Variants in GTF2H3 observed in about 807,000 individuals in gnomAD.
The protein encoded by GTF2H3 is TFIIH basal transcription factor complex p34 subunit.
In GTF2H3, 42 loss-of-function variants were observed where a neutral mutation model predicts 51.1. The observed-to-expected ratio is 0.82, with a 90% confidence interval of 0.64 to 1.06. The LOEUF (loss-of-function observed/expected upper bound fraction) is 1.06, where lower values mean the gene tolerates loss of function less well. GTF2H3 is among the 50% of genes least tolerant of loss of function. GTF2H3 has a pLI of 0.00. For missense variants in GTF2H3, 326 were observed against 366.1 expected, an observed-to-expected ratio of 0.89 and a Z score of 0.89; for synonymous variants, 123 against 123.8, an observed-to-expected ratio of 0.99 and a Z score of 0.04.
intron 7 of GTF2H3, among the ~76,000 whole-genome samples, chr12:123,652,992 C>T (rs1487582987): frequency 1.3e-5 from 2 of 151,746 alleles, no homozygotes; most frequent in African/African-American, 2.4e-5. Flanking sequence ...GCAGGAGAAT[C>T]GTTTGAACCT....
At chr12:123,647,682 T>A (rs1264463418) in intron 3 of GTF2H3, among the ~76,000 whole-genome samples, 1 of 152,196 alleles carries the variant, frequency 6.6e-6, no homozygotes, top group Non-Finnish European at 1.5e-5. Flanking sequence ...CCTCTGTATT[T>A]CCCCACACTT....
At chr12:123,643,028 T>A (rs1344580029) in intron 2 of GTF2H3, among the ~76,000 whole-genome samples, 1 of 152,104 alleles carries the variant, frequency 6.6e-6, no homozygotes, top group Admixed American at 6.6e-5. Flanking sequence ...CACGTCACCA[T>A]GCCCAGCTAA....
chr12:123,651,596 G>C (rs1237000893), intron 5 of GTF2H3, among the ~76,000 whole-genome samples: 1 of 151,880 alleles, frequency 6.6e-6, no homozygotes, highest in Non-Finnish European at 1.5e-5. Context: ...GAGGCAGGCG[G>C]ATCATGAGGT....
At position 123,661,811 on chromosome 12, in the gene GTF2H3, C is replaced by A; in HGVS notation, c.*1576C>A. 6.6e-6 allele frequency: 1 copy of A among 152,532 alleles called. No homozygotes were observed. The highest frequency in any genetic ancestry group is 2.0e-4 in the East Asian group (1 of 5,120). 9.4% of individuals were successfully genotyped at this position (152,532 alleles called of 1,614,324 possible). ...CCAGGCTGGGGTGCAGTGGTGCAAG[C>A]TCGGCTCTCTGCAAGCTCTGTCTCC... On this transcript the variant is annotated 3_prime_UTR_variant, in exon 13 of 13. Transcript: ENST00000543341.
rs1431597855 is a variant in GTF2H3, at chr12:123,660,172, C to A, written c.864C>A (p.Ala288=). 6.2e-7 allele frequency: 1 copy of A among 1,611,532 alleles called. No homozygotes were observed. The highest frequency in any genetic ancestry group is 8.5e-7 in the Non-Finnish European group (1 of 1,179,076). Residue 288 remains alanine, a synonymous_variant, in exon 13 of 13, where the codon GCC becomes GCA. Transcript: ENST00000543341. ...TTCCTCTCTGTAATTTCAGGACAGC[C>A]TTTAAAATTTCTCTGCCTCCAGTGC... ...FSPICTTCET[A]FKISLPPVLK... is the part of the protein sequence containing the mutation.
At chr12:123,658,490 C>T (rs1253549408) in intron 9 of GTF2H3, among the ~76,000 whole-genome samples, 6 of 152,098 alleles carry the variant, frequency 3.9e-5, no homozygotes, top group South Asian at 4.1e-4. Context: ...CCACCGCGCC[C>T]GGCCTAATTT....
intron 2 of GTF2H3, chr12:123,640,085 C>T (rs1050144620): frequency 4.9e-6 from 2 of 412,138 alleles, no homozygotes; most frequent in African/African-American, 4.1e-5. Context: ...GTCTCGAACT[C>T]CTGGCCTCAT....
intron 1 of GTF2H3, among the ~76,000 whole-genome samples, chr12:123,638,629 T>C (rs1955321573): frequency 6.6e-6 from 1 of 151,546 alleles, no homozygotes; most frequent in African/African-American, 2.4e-5. Context: ...TAGATATTTA[T>C]TGAGCAGCTG....
At chr12:123,637,379 A>C (rs1352798750) in intron 1 of GTF2H3, among the ~76,000 whole-genome samples, 1 of 152,184 alleles carries the variant, frequency 6.6e-6, no homozygotes, top group Non-Finnish European at 1.5e-5. Context: ...TCTTAAAAAA[A>C]ACCCAAAAAA....
chr12:123,659,616 TG>T (rs1432651601), intron 10 of GTF2H3, 32 bp downstream of exon 10: 1 of 1,600,148 alleles, frequency 6.2e-7, no homozygotes, highest in South Asian at 1.1e-5. Context: ...CCCTGATGCC[TG>T]GAGGGAAGGA....
At chr12:123,635,664 C>T (rs1394857750) in intron 1 of GTF2H3, among the ~76,000 whole-genome samples, 2 of 151,962 alleles carry the variant, frequency 1.3e-5, no homozygotes, top group Admixed American at 1.3e-4. Context: ...CTTCCTGCCT[C>T]GACCTCCCAA....
chr12:123,657,190 G>C (rs1274370815), intron 9 of GTF2H3, among the ~76,000 whole-genome samples: 1 of 150,652 alleles, frequency 6.6e-6, no homozygotes, highest in African/African-American at 2.4e-5. Flanking sequence ...TTTTTTAACA[G>C]TAAACACTGC....
chr12:123,648,222 T>C (rs1593804001), intron 4 of GTF2H3, 96 bp downstream of exon 4: 3 of 757,166 alleles, frequency 4.0e-6, no homozygotes, highest in Non-Finnish European at 6.4e-6. Context: ...TTATGTTGTA[T>C]GCCTGCACGT....
intron 6 of GTF2H3, 63 bp from the exon 7 acceptor site, chr12:123,652,644 T>C: frequency 6.5e-7 from 1 of 1,533,786 alleles, no homozygotes; most frequent in Admixed American, 2.0e-5. Context: ...AAAAATTGGT[T>C]AGGAAACCAT....
rs1444831976 is a variant in GTF2H3, at chr12:123,659,911, C to G, written c.801C>G (p.Val267=). Residue 267 remains valine, a synonymous_variant, in exon 11 of 13, where the codon GTC becomes GTG. Transcript: ENST00000543341. ...GAAATCTCATTGAAATTGGTTATGT[C>G]TGTTCTGTGTGTTTGTCAAGTAAGT... The part of the protein sequence containing the change: ...CHRNLIEIGY[V]CSVCLSIFCN... 6.2e-7 allele frequency: 1 copy of G among 1,613,780 alleles called. No individual in the cohort carries two copies. Among genetic ancestry groups the G allele is most frequent in the East Asian group, 2.2e-5 (1 of 44,886 alleles).
chr12:123,654,865 C>A, intron 7 of GTF2H3, 59 bp from the exon 8 acceptor site: 1 of 1,115,852 alleles, frequency 9.0e-7, no homozygotes, highest in Non-Finnish European at 1.4e-6. Context: ...TATTGTGTGA[C>A]ATTGGTGTGA....
At chr12:123,644,676 A>AG (rs1955423182) in intron 2 of GTF2H3, among the ~76,000 whole-genome samples, 1 of 152,114 alleles carries the variant, frequency 6.6e-6, no homozygotes, top group Non-Finnish European at 1.5e-5. Context: ...AAAAAAAAAA[A>AG]AAGTTTTTAA....
In GTF2H3 at chr12:123,659,567, C is replaced by G; in HGVS notation, c.667C>G (p.Leu223Val). ...CCTGAAGGTGCCTCAGATGCCTTCTCTTCTGCAGTATTTGCTGGTAAGGAG... is the reference window on the plus strand; with the variant it reads ...CCTGAAGGTGCCTCAGATGCCTTCTGTTCTGCAGTATTTGCTGGTAAGGAG... ...LYLKVPQMPSLLQYLLWVFLP... is the reference protein window; with the variant it reads ...LYLKVPQMPSVLQYLLWVFLP... Residue 223 changes from leucine to valine, a missense_variant, in exon 10 of 13, where the codon CTT becomes GTT. By Grantham distance (32) the Leu-to-Val change is conservative (BLOSUM62 1). Transcript: ENST00000543341. The G allele has an allele frequency of 1.2e-6, 2 of 1,613,988 alleles. No homozygotes were observed. Among genetic ancestry groups the G allele is most frequent in the Non-Finnish European group, 8.5e-7 (1 of 1,179,952 alleles).
rs879110011 is a variant in GTF2H3 at position 123,647,972 on chromosome 12, A to G, written c.210A>G (p.Leu70=). 1.2e-6 allele frequency: 2 copies of G among 1,612,758 alleles called. No homozygotes were observed. The highest frequency in any genetic ancestry group is 1.1e-5 in the South Asian group (1 of 90,640). The change falls in exon 4 of 13, where the codon TTA becomes TTG. Residue 70 remains leucine, a synonymous_variant. Coordinates refer to ENST00000543341, the MANE Select transcript of GTF2H3 (RefSeq NM_001516.5). ...TCCCCTGCTGTTTCAGCCGATTCTT[A>G]TATCCTGGAAAGAATGGCAGACTTG... is the stretch of plus-strand genomic sequence containing the variant. ...IASHIQESRF[L]YPGKNGRLGD...
Sources: gnomAD v4.1 joint callset for allele counts (sites outside exome capture counted in the v4.1 genomes callset) on GRCh38, gnomAD v4.1.1 for gene constraint, MANE v1.5 for transcripts, NCBI Gene and HGNC (gene_info 2026-07-23, HGNC 2026-07-21) for gene names.